The following AFF1 variants were observed in gnomAD, a reference collection of about 807,000 sequenced individuals.
AFF1 encodes the protein AF4/FMR2 family member 1.
AFF1 carries 48 observed loss-of-function variants against 121.7 expected under a neutral mutation model. The observed-to-expected ratio is 0.39, with a 90% CI of 0.31 to 0.50. AFF1 has a LOEUF of 0.50. Among genes scored for constraint, AFF1 ranks in the 20% least tolerant of loss-of-function variants. The pLI is 0.76. For missense variants in AFF1, 1,523 were observed against 1,511.7 expected, an observed-to-expected ratio of 1.01 and a Z score of -0.12; for synonymous variants, 613 against 563.0, an observed-to-expected ratio of 1.09 and a Z score of -1.26.
chr4:87,003,026 G>A (rs1478573503), intron 2 of AFF1, among the ~76,000 whole-genome samples: 2 of 152,170 alleles, frequency 1.3e-5, no homozygotes, highest in African/African-American at 2.4e-5. Flanking sequence ...TAATGCCCAT[G>A]TTGGTATTGC....
intron 4 of AFF1, chr4:87,049,748 C>T: frequency 2.2e-6 from 1 of 456,056 alleles, no homozygotes; most frequent in Non-Finnish European, 4.4e-6. Flanking sequence ...GCCTGGGAGC[C>T]CCGTGGCGCT....
chr4:87,034,044 G>C (rs1729320398), intron 2 of AFF1, among the ~76,000 whole-genome samples: 1 of 152,208 alleles, frequency 6.6e-6, no homozygotes. Flanking sequence ...GAGTGAGTAG[G>C]CAGGATCATT....
At chr4:87,078,242 A>T (rs1209694402) in intron 4 of AFF1, among the ~76,000 whole-genome samples, 2 of 152,136 alleles carry the variant, frequency 1.3e-5, no homozygotes, top group Non-Finnish European at 2.9e-5. Context: ...TGTCTCTTTT[A>T]TGTTTATTTA....
intron 4 of AFF1, among the ~76,000 whole-genome samples, chr4:87,061,228 A>G (rs967340312): frequency 2.6e-5 from 4 of 152,194 alleles, no homozygotes; most frequent in Admixed American, 2.0e-4. Flanking sequence ...AAGTATGCCC[A>G]TGGCTTTGGC....
At chr4:86,982,551 A>G (rs1723841524) in intron 2 of AFF1, among the ~76,000 whole-genome samples, 1 of 151,454 alleles carries the variant, frequency 6.6e-6, no homozygotes. Flanking sequence ...CATGAATGGG[A>G]TTAGTGCCCT....
chr4:87,015,679 TTTC>T (rs1727222612), intron 2 of AFF1, among the ~76,000 whole-genome samples: 1 of 152,206 alleles, frequency 6.6e-6, no homozygotes, highest in African/African-American at 2.4e-5. Context: ...CCTTCATTTC[TTTC>T]TTATTTTAGC....
At chr4:87,029,668 C>T (rs1196447211) in intron 2 of AFF1, among the ~76,000 whole-genome samples, 3 of 152,036 alleles carry the variant, frequency 2.0e-5, no homozygotes, top group African/African-American at 7.3e-5. Context: ...TGCTGTGTCC[C>T]GTATATCCTG....
rs767174023 is a variant in AFF1, at chr4:87,115,027, C to T, written c.2194C>T (p.Arg732Cys). Residue 732 changes from arginine to cysteine, a missense_variant, in exon 12 of 21, where the codon CGC becomes TGC. This residue lies in a region of AFF1 where 905 missense variants were observed against 842.5 expected (regional missense o/e 1.07). Coordinates refer to ENST00000395146, the MANE Select transcript of AFF1 (RefSeq NM_001166693.3). ...SGSGSRTSGC[R>C]QAVVVQEDSR... Reference sequence around the variant, plus strand: ...CAGCGGCAGCAGGACTAGTGGCTGCCGCCAAGCCGTGGTGGTCCAGGAGGA... The same window carrying T: ...CAGCGGCAGCAGGACTAGTGGCTGCTGCCAAGCCGTGGTGGTCCAGGAGGA... 1.2e-5 allele frequency: 19 copies of T among 1,612,160 alleles called. No individual in the cohort carries two copies. The highest frequency in any genetic ancestry group is 6.7e-5 in the African/African-American group (5 of 74,888).
chr4:86,959,662 A>G (rs895348109), intron 2 of AFF1, among the ~76,000 whole-genome samples: 1 of 152,136 alleles, frequency 6.6e-6, no homozygotes, highest in Non-Finnish European at 1.5e-5. Flanking sequence ...GGACACCTAA[A>G]CGATAAGTAA....
At chr4:86,968,001 G>A (rs762533399) in intron 2 of AFF1, among the ~76,000 whole-genome samples, 3 of 152,206 alleles carry the variant, frequency 2.0e-5, no homozygotes, top group Non-Finnish European at 4.4e-5. Context: ...GAACTAAGTA[G>A]CAGAGAAGGC....
At chr4:87,057,933 G>A (rs1010834022) in intron 4 of AFF1, among the ~76,000 whole-genome samples, 3 of 151,208 alleles carry the variant, frequency 2.0e-5, no homozygotes, top group Admixed American at 6.6e-5. Flanking sequence ...TGATGGCTTA[G>A]TTGCTCTGTG....
intron 2 of AFF1, among the ~76,000 whole-genome samples, chr4:87,019,651 G>GC (rs1354488099): frequency 6.6e-6 from 1 of 152,210 alleles, no homozygotes; most frequent in African/African-American, 2.4e-5. Context: ...AGAGTGGTGT[G>GC]CCCAGGGAGG....
rs987673835 is a variant in AFF1, at chr4:86,962,834, A to G, written c.38+14263A>G. Among the ~76,000 whole-genome samples, 3 of 152,232 alleles carry G rather than the reference A, an allele frequency of 2.0e-5. No homozygotes were observed. In the South Asian group the frequency reaches 6.2e-4, roughly 32 times the overall value. On this transcript the variant is annotated intron_variant, in intron 2 of 20. Transcript: ENST00000395146. ...AAATTCTCATTTCATATTTACTACTAAAATATTACTTTAAGATATAGTTTA... is the reference window on the plus strand; with the variant it reads ...AAATTCTCATTTCATATTTACTACTGAAATATTACTTTAAGATATAGTTTA...
intron 2 of AFF1, among the ~76,000 whole-genome samples, chr4:86,994,397 C>T (rs1459913533): frequency 6.6e-6 from 1 of 152,204 alleles, no homozygotes; most frequent in Non-Finnish European, 1.5e-5. Flanking sequence ...CATTGATCCT[C>T]ACTTGCTCCA....
chr4:86,978,610 A>G (rs1723494711), intron 2 of AFF1, among the ~76,000 whole-genome samples: 1 of 151,622 alleles, frequency 6.6e-6, no homozygotes, highest in Admixed American at 6.6e-5. Flanking sequence ...TGGTGCAACC[A>G]ATATAATATA....
Position 87,126,250 on chromosome 4 carries a change from A to G in AFF1, c.2725A>G (p.Ser909Gly), listed in dbSNP as rs979077594. 6.2e-7 allele frequency: 1 copy of G among 1,614,042 alleles called. No individual in the cohort carries two copies. The highest frequency in any genetic ancestry group is 1.7e-5 in the Admixed American group (1 of 60,004). Residue 909 changes from serine (S) to glycine (G), a missense_variant, in exon 14 of 21, where the codon AGT (serine) becomes GGT (glycine). Physicochemically the swap from Ser to Gly is moderately conservative, Grantham distance 56 (BLOSUM62 0). Coordinates refer to ENST00000395146, the MANE Select transcript of AFF1 (RefSeq NM_001166693.3). ...CCAGGACCCTCCCAAAAGTGCCAGC[A>G]GTACCAAGAGCAACCACAAAGACTC... Reference protein sequence around the residue: ...CGQDPPKSASSTKSNHKDSSI... With the variant: ...CGQDPPKSASGTKSNHKDSSI...
chr4:87,125,808 G>C (rs1284542077), intron 13 of AFF1, among the ~76,000 whole-genome samples: 1 of 152,214 alleles, frequency 6.6e-6, no homozygotes, highest in Non-Finnish European at 1.5e-5. Context: ...TCTTGTCAGG[G>C]AAAGGCACCG....
At chr4:86,974,214 C>A (rs1723136780) in intron 2 of AFF1, 1 of 152,256 alleles carries the variant, frequency 6.6e-6, no homozygotes, top group South Asian at 2.1e-4. Flanking sequence ...GTGGTGTGAT[C>A]TTGGCTCACT....
In AFF1 at chr4:87,047,353, C is replaced by T. The variant is rs761336424; in HGVS notation, c.818C>T (p.Pro273Leu). Residue 273 changes from proline to leucine, a missense_variant, in exon 4 of 21, where the codon CCT (proline) becomes CTT (leucine). By Grantham distance (98) the Pro-to-Leu change is moderately conservative. This residue lies in a region of AFF1 where 369 missense variants were observed against 367.2 expected (regional missense o/e 1.00). Coordinates refer to ENST00000395146, the MANE Select transcript of AFF1 (RefSeq NM_001166693.3). ...KETPQDSLVA[P>L]AQPPSQTFPP... Reference sequence around the variant, plus strand: ...ACCCCTCAAGACAGTTTGGTGGCCCCTGCCCAGCCGCCTTCTCAGACATTT... The same window carrying T: ...ACCCCTCAAGACAGTTTGGTGGCCCTTGCCCAGCCGCCTTCTCAGACATTT... 7 of 1,614,016 alleles carry T rather than the reference C, an allele frequency of 4.3e-6. No homozygotes were observed. Among genetic ancestry groups the T allele is most frequent in the Non-Finnish European group, 5.9e-6 (7 of 1,180,018 alleles).
Sources: allele counts gnomAD v4.1 joint callset (sites outside exome capture counted in the v4.1 genomes callset), GRCh38; gene constraint gnomAD v4.1.1; regional missense constraint gnomAD v4.1.1; transcripts MANE v1.5; gene names NCBI Gene and HGNC (gene_info 2026-07-23, HGNC 2026-07-21).